Variants in RAD51C observed in about 807,000 individuals in gnomAD.
RAD51C encodes the protein RAD51 paralog C.
A neutral mutation model predicts 45.0 loss-of-function variants in RAD51C; 42 were observed. The ratio of observed to expected loss-of-function variants is 0.93; its 90% CI spans 0.73 to 1.21. RAD51C has a LOEUF of 1.21. Ranked by LOEUF, RAD51C falls within the 50% of genes most tolerant of loss-of-function variation. The probability of loss-of-function intolerance (pLI) is 0.00; values close to 1 mark genes in which losing one functional copy is unlikely to be tolerated. For synonymous variants in RAD51C, 172 were observed against 159.8 expected (o/e 1.08, Z -0.58); for missense variants, 474 against 452.2 (o/e 1.05, Z -0.44).
intron 3 of RAD51C, among the ~76,000 whole-genome samples, chr17:58,701,782 C>G (rs1410788143): frequency 6.6e-6 from 1 of 151,802 alleles, no homozygotes; most frequent in African/African-American, 2.4e-5. Flanking sequence ...GTTGGCCAGG[C>G]TGGTCTTGAA....
chr17:58,727,532 T>C (rs909623385), intron 7 of RAD51C, among the ~76,000 whole-genome samples: 3 of 152,178 alleles, frequency 2.0e-5, no homozygotes, highest in Admixed American at 2.0e-4. Flanking sequence ...AGCTTACTCC[T>C]TTTTTTAGGT....
intron 8 of RAD51C, among the ~76,000 whole-genome samples, 156 bp from the exon 9 acceptor site, chr17:58,733,962 C>T (rs2049550493): frequency 6.6e-6 from 1 of 152,128 alleles, no homozygotes; most frequent in Non-Finnish European, 1.5e-5. Context: ...ATGATCTGCC[C>T]ACCTCAGCCT....
intron 3 of RAD51C, 81 bp downstream of exon 3, chr17:58,696,940 C>T (rs2143751678): frequency 2.7e-6 from 4 of 1,464,240 alleles, no homozygotes; most frequent in Non-Finnish European, 2.9e-6. Flanking sequence ...CTCAGCAACA[C>T]TCCATTTGGA....
chr17:58,710,691 G>T (rs540760047), intron 5 of RAD51C, among the ~76,000 whole-genome samples: 1 of 152,102 alleles, frequency 6.6e-6, no homozygotes, highest in Non-Finnish European at 1.5e-5. Flanking sequence ...AAACATAACC[G>T]GTGTAAACAA....
At chr17:58,696,892 A>G (rs1182366288) in intron 3 of RAD51C, 33 bp downstream of exon 3, 3 of 1,608,978 alleles carry the variant, frequency 1.9e-6, no homozygotes, top group Non-Finnish European at 2.6e-6. Flanking sequence ...TTTTTTCTGT[A>G]TTAATAAAAG....
chr17:58,695,259 C>A (rs567103304), intron 2 of RAD51C, 70 bp downstream of exon 2: 1 of 1,522,072 alleles, frequency 6.6e-7, no homozygotes, highest in East Asian at 2.3e-5. Context: ...TTTGTACTAT[C>A]GTCAGGAAAC....
intron 1 of RAD51C, chr17:58,694,519 CATCCAGGCTGGAATGCAGTGGTGCG>C (rs1339450152): frequency 3.5e-5 from 6 of 169,166 alleles, no homozygotes; most frequent in East Asian, 1.6e-4. Context: ...CTCGCACTGT[CATCCAGGCTGGAATGCAGTGGTGCG>C]ATCCAGGCTG....
chr17:58,716,267 T>G (rs1440471000), intron 5 of RAD51C, among the ~76,000 whole-genome samples: 1 of 152,166 alleles, frequency 6.6e-6, no homozygotes, highest in African/African-American at 2.4e-5. Flanking sequence ...GAATACCTGG[T>G]AAATCAGTAG....
intron 5 of RAD51C, among the ~76,000 whole-genome samples, chr17:58,720,427 TA>T (rs998416802): frequency 7.2e-4 from 64 of 88,440 alleles, no homozygotes; most frequent in African/African-American, 8.8e-4. Context: ...AAAAAAAAAA[TA>T]AAATAAAAAA....
chr17:58,704,307 C>G (rs2143812059), intron 4 of RAD51C, among the ~76,000 whole-genome samples: 1 of 152,134 alleles, frequency 6.6e-6, no homozygotes, highest in East Asian at 1.9e-4. Context: ...GAGTCTGGCT[C>G]TGTCGCCCAG....
At chr17:58,692,948 G>A (rs1016111699) in intron 1 of RAD51C, 160 bp downstream of exon 1, 2 of 1,059,900 alleles carry the variant, frequency 1.9e-6, no homozygotes, top group South Asian at 1.4e-5. Context: ...CCACTTACAA[G>A]TTGTCTGAAT....
At chr17:58,694,854 A>T (rs2143715272) in intron 1 of RAD51C, 77 bp from the exon 2 acceptor site, 1 of 1,293,526 alleles carries the variant, frequency 7.7e-7, no homozygotes, top group Non-Finnish European at 1.1e-6. Flanking sequence ...TCTACAAATT[A>T]ATAAAGACAA....
At chr17:58,718,053 A>G (rs571935159) in intron 5 of RAD51C, among the ~76,000 whole-genome samples, 9 of 151,984 alleles carry the variant, frequency 5.9e-5, no homozygotes, top group Non-Finnish European at 8.8e-5. Context: ...CTGGAGCGCA[A>G]TGGTGCAATA....
intron 5 of RAD51C, among the ~76,000 whole-genome samples, chr17:58,716,830 G>A (rs932261939): frequency 8.0e-5 from 12 of 149,828 alleles, no homozygotes; most frequent in Admixed American, 7.4e-4. Flanking sequence ...GAGTGCAGTG[G>A]CGCGATCTTG....
intron 4 of RAD51C, among the ~76,000 whole-genome samples, chr17:58,703,896 C>A (rs2048292338): frequency 7.2e-6 from 1 of 139,130 alleles, no homozygotes; most frequent in African/African-American, 2.7e-5. Flanking sequence ...CCCAGCAGTT[C>A]AAGGCTACAT....
chr17:58,701,295 T>C (rs955554388), intron 3 of RAD51C, among the ~76,000 whole-genome samples: 10 of 151,736 alleles, frequency 6.6e-5, no homozygotes. Flanking sequence ...GATCACGAGG[T>C]CAGGAGATCG....
chr17:58,722,372 T>G (rs1317424257), intron 6 of RAD51C, among the ~76,000 whole-genome samples: 1 of 152,250 alleles, frequency 6.6e-6, no homozygotes, highest in Non-Finnish European at 1.5e-5. Flanking sequence ...GTTCTATGTC[T>G]GTGCTCTTCA....
rs6503874 is a variant in RAD51C, at chr17:58,703,098, C to G, written c.572-98C>G. The G allele has an allele frequency of 0.096, 129,864 of 1,349,236 alleles. 10,375 individuals carry two copies. Among genetic ancestry groups the G allele is most frequent in the African/African-American group, 0.29 (20,062 of 69,268 alleles). The allele number at this position is 1,349,236 out of a possible 1,614,324, so 83.6% of individuals were successfully genotyped here. On this transcript the variant is annotated intron_variant, in intron 3 of 8. Transcript: ENST00000337432. ...TCTTTCAGTTAAAGAATTTTGTTATCCAAAGGAGAACATTTTGTTATTAAA... is the reference window on the plus strand; with the variant it reads ...TCTTTCAGTTAAAGAATTTTGTTATGCAAAGGAGAACATTTTGTTATTAAA...
At chr17:58,697,559 CA>C (rs547599226) in intron 3 of RAD51C, among the ~76,000 whole-genome samples, 10 of 136,012 alleles carry the variant, frequency 7.4e-5, no homozygotes, top group Admixed American at 2.3e-4. Flanking sequence ...AAAAAAAAAC[CA>C]AAAAAAAAAA....
Sources: gnomAD v4.1 joint callset for allele counts (sites outside exome capture counted in the v4.1 genomes callset) on GRCh38, gnomAD v4.1.1 for gene constraint, MANE v1.5 for transcripts, NCBI Gene and HGNC (gene_info 2026-07-23, HGNC 2026-07-21) for gene names.